Variants in SRPRA observed in about 807,000 individuals in gnomAD.
SRPRA encodes SRP receptor subunit alpha.
SRPRA carries 30 observed loss-of-function variants against 61.1 expected under a neutral mutation model. The ratio of observed to expected loss-of-function variants is 0.49; its 90% confidence interval spans 0.37 to 0.67. The LOEUF (loss-of-function observed/expected upper bound fraction) is 0.67. Among genes scored for constraint, SRPRA ranks in the 30% least tolerant of loss-of-function variants. SRPRA has a pLI of 0.00. For synonymous variants in SRPRA, 324 were observed against 299.7 expected, an observed-to-expected ratio of 1.08 and a Z score of -0.84; for missense variants, 759 against 828.4, an observed-to-expected ratio of 0.92 and a Z score of 1.03.
chr11:126,259,023 G>C (rs1307173412), downstream of SRPRA, among the ~76,000 whole-genome samples: 1 of 152,164 alleles, frequency 6.6e-6, no homozygotes, highest in African/African-American at 2.4e-5. Context: ...AAGGTGTTCT[G>C]TATCTTTAAA....
rs759618932 is a variant in SRPRA, at chr11:126,265,279, T to G, written c.1300A>C (p.Asn434His). The G allele has an allele frequency of 9.3e-6, 15 of 1,614,136 alleles. No individual in the cohort carries two copies. The highest frequency in any genetic ancestry group is 1.6e-4 in the Middle Eastern group (1 of 6,062). Residue 434 changes from asparagine (N) to histidine (H), a missense_variant, in exon 10 of 14, where the codon AAT becomes CAT. Physicochemically the swap from Asn to His is moderately conservative, Grantham distance 68. Coordinates refer to ENST00000332118, the MANE Select transcript of SRPRA (RefSeq NM_003139.4). This position sits in a 1 kb window ranked among gnomAD's most constrained non-coding sequence, Gnocchi z 6.3. ...CGVNGVGKSTNLAKISFWLLE... is the reference protein window; with the variant it reads ...CGVNGVGKSTHLAKISFWLLE... Reference sequence around the variant, plus strand: ...GGAACTGCACTGACCTTGGCAAGATTAGTAGATTTCCCCACTCCATTAACG... The same window carrying G: ...GGAACTGCACTGACCTTGGCAAGATGAGTAGATTTCCCCACTCCATTAACG...
At chr11:126,256,446 A>G in the SRPRA span, 3 of 805,322 alleles carry the variant, frequency 3.7e-6, no homozygotes, top group Admixed American at 2.7e-5. The surrounding 1 kb of genome is among the most constrained non-coding windows in gnomAD (Gnocchi z 6.6). Context: ...GGACATACCA[A>G]CCCACTTAAG....
rs749481806 is a variant in SRPRA, at chr11:126,268,655, G to A, written c.117+33C>T. 3.2e-6 allele frequency: 5 copies of A among 1,573,628 alleles called. 1 individual carries two copies. The South Asian group carries it at 4.4e-5, about 14-fold the overall frequency. Reference sequence around the variant, plus strand: ...GACCATGGATCGGGTCAGGAAAGAAGAGCCTGGAGTTCTGATCCCACGGGG... The same window carrying A: ...GACCATGGATCGGGTCAGGAAAGAAAAGCCTGGAGTTCTGATCCCACGGGG... On this transcript the variant is annotated intron_variant, in intron 1 of 13. Coordinates refer to ENST00000332118, the MANE Select transcript of SRPRA (RefSeq NM_003139.4).
chr11:126,255,814 G>A, the SRPRA span, among the ~76,000 whole-genome samples: 172 of 151,916 alleles, frequency 1.1e-3, 1 homozygote, highest in South Asian at 0.016. This position sits in a 1 kb window ranked among gnomAD's most constrained non-coding sequence, Gnocchi z 4.6. Context: ...TTAGCTGGGC[G>A]TGCTGGCAGG....
At chr11:126,236,538 A>G in the SRPRA span, among the ~76,000 whole-genome samples, 1 of 152,114 alleles carries the variant, frequency 6.6e-6, no homozygotes, top group East Asian at 1.9e-4. Flanking sequence ...TATTCTCAGT[A>G]ACCTGAAATT....
chr11:126,264,638 G>C lies in SRPRA; in HGVS notation c.1526-99C>G. On this transcript the variant is annotated intron_variant, in intron 11 of 13. Coordinates refer to ENST00000332118, the MANE Select transcript of SRPRA (RefSeq NM_003139.4). The surrounding 1 kb of genome is among the most constrained non-coding windows in gnomAD (Gnocchi z 5.0). ...GTCCTAGTTTGACTACCTGTTCACT[G>C]TCTTGGGCTCTGGATTTGGTTCCAA... The C allele has an allele frequency of 2.2e-6, 3 of 1,394,862 alleles. No individual in the cohort carries two copies. Among genetic ancestry groups the C allele is most frequent in the Admixed American group, 2.2e-5 (1 of 44,564 alleles). 86.4% of individuals were successfully genotyped at this position (1,394,862 alleles called of 1,614,324 possible). A position where few individuals can be genotyped will look rare whatever the true frequency, so the allele number is the denominator to read the frequency against.
At position 126,264,801 on chromosome 11, in the gene SRPRA, T is replaced by G; in HGVS notation, c.1525+158A>C. The G allele has an allele frequency of 1.2e-6, 1 of 823,750 alleles. No individual in the cohort carries two copies. The highest frequency in any genetic ancestry group is 1.9e-6 in the Non-Finnish European group (1 of 539,666). 51.0% of individuals were successfully genotyped at this position (823,750 alleles called of 1,614,324 possible). A position where few individuals can be genotyped will look rare whatever the true frequency, so the allele number is the denominator to read the frequency against. ...TAGCTTTGCCTGCAACTACATCTGT[T>G]ATCCAAAAGCAGAGCATGGCAAGTA... is the stretch of plus-strand genomic sequence containing the variant. On this transcript the variant is annotated intron_variant, in intron 11 of 13. Transcript: ENST00000332118. This position sits in a 1 kb window ranked among gnomAD's most constrained non-coding sequence, Gnocchi z 5.0.
At chr11:126,257,559 G>A in the SRPRA span, among the ~76,000 whole-genome samples, 11 of 150,276 alleles carry the variant, frequency 7.3e-5, no homozygotes, top group South Asian at 2.1e-4. Context: ...GGAAGAAAAA[G>A]CAGGTTGTAA....
At chr11:126,247,198 A>G in the SRPRA span, among the ~76,000 whole-genome samples, 1 of 152,172 alleles carries the variant, frequency 6.6e-6, no homozygotes, top group Non-Finnish European at 1.5e-5. Context: ...AGACTGAGGC[A>G]GGAAGATTGC....
At chr11:126,241,575 ATCT>A in the SRPRA span, among the ~76,000 whole-genome samples, 1 of 151,762 alleles carries the variant, frequency 6.6e-6, no homozygotes, top group African/African-American at 2.4e-5. Flanking sequence ...TTTTGATGGA[ATCT>A]TCTTCTTGTC....
downstream of SRPRA, chr11:126,262,275 G>T: frequency 1.2e-6 from 1 of 825,558 alleles, no homozygotes; most frequent in Non-Finnish European, 2.0e-6. Context: ...GTAGAAGAGG[G>T]GGGAATGTTG....
Position 126,267,043 on chromosome 11 carries a change from C to T in SRPRA, c.527-121G>A. ...ACCAAACATCTTGGAGTTCATAAGG[C>T]CTGGGGATTATAGGATGGTGACCAT... On this transcript the variant is annotated intron_variant, in intron 4 of 13. Transcript: ENST00000332118. The surrounding 1 kb of genome is among the most constrained non-coding windows in gnomAD (Gnocchi z 4.2). 1.3e-6 allele frequency: 2 copies of T among 1,526,258 alleles called. No individual in the cohort carries two copies. The highest frequency in any genetic ancestry group is 1.8e-6 in the Non-Finnish European group (2 of 1,132,940). 94.5% of individuals were successfully genotyped at this position (1,526,258 alleles called of 1,614,324 possible).
rs751062647 is a variant in SRPRA at position 126,265,570 on chromosome 11, C to T, written c.1139-130G>A. 139 of 1,231,246 alleles carry T rather than the reference C, an allele frequency of 1.1e-4. 1 individual carries two copies. Among genetic ancestry groups the T allele is most frequent in the African/African-American group, 1.7e-4 (11 of 66,652 alleles). 76.3% of individuals were successfully genotyped at this position (1,231,246 alleles called of 1,614,324 possible). A position where few individuals can be genotyped will look rare whatever the true frequency, so the allele number is the denominator to read the frequency against. On this transcript the variant is annotated intron_variant, in intron 9 of 13. Coordinates refer to ENST00000332118, the MANE Select transcript of SRPRA (RefSeq NM_003139.4). This position sits in a 1 kb window ranked among gnomAD's most constrained non-coding sequence, Gnocchi z 6.3. The stretch of plus-strand genomic sequence containing the variant: ...TCTTGTCCCAGAAATCCAGAACAGA[C>T]GCACATTACAAGGACTAACTCACTG...
the SRPRA span, among the ~76,000 whole-genome samples, chr11:126,238,007 T>G: frequency 6.6e-6 from 1 of 152,170 alleles, no homozygotes; most frequent in African/African-American, 2.4e-5. Context: ...TGTTGGGGGC[T>G]TTCCTCAGAT....
chr11:126,251,017 C>T, the SRPRA span, among the ~76,000 whole-genome samples: 1 of 152,190 alleles, frequency 6.6e-6, no homozygotes, highest in Non-Finnish European at 1.5e-5. Flanking sequence ...ATCTCTTTAG[C>T]ACTTGACAGT....
chr11:126,259,894 G>T (rs1035694621), downstream of SRPRA, among the ~76,000 whole-genome samples: 9 of 150,002 alleles, frequency 6.0e-5, no homozygotes, highest in African/African-American at 2.2e-4. Flanking sequence ...CTAATTTTTT[G>T]TATTTTTAGT....
the SRPRA span, chr11:126,256,469 G>T: frequency 9.1e-7 from 1 of 1,098,934 alleles, no homozygotes; most frequent in Non-Finnish European, 1.3e-6. The surrounding 1 kb of genome is among the most constrained non-coding windows in gnomAD (Gnocchi z 6.6). Context: ...TTGCTTAATT[G>T]GTCATCACAG....
At chr11:126,244,046 C>T in the SRPRA span, among the ~76,000 whole-genome samples, 4 of 151,814 alleles carry the variant, frequency 2.6e-5, no homozygotes, top group Non-Finnish European at 4.4e-5. The surrounding 1 kb of genome is among the most constrained non-coding windows in gnomAD (Gnocchi z 4.5). Context: ...TTTAAAAAAG[C>T]CACACTCTAC....
Position 126,267,907 on chromosome 11 carries a change from A to T in SRPRA, c.201+96T>A. 6.9e-7 allele frequency: 1 copy of T among 1,444,838 alleles called. No individual in the cohort carries two copies. The highest frequency in any genetic ancestry group is 9.6e-7 in the Non-Finnish European group (1 of 1,037,308). The allele number at this position is 1,444,838 out of a possible 1,614,324, so 89.5% of individuals were successfully genotyped here. On this transcript the variant is annotated intron_variant, in intron 2 of 13. Coordinates refer to ENST00000332118, the MANE Select transcript of SRPRA (RefSeq NM_003139.4). This position sits in a 1 kb window ranked among gnomAD's most constrained non-coding sequence, Gnocchi z 4.2. ...ATCTACCTTTCTAGTTTTTTCAGTT[A>T]CGTCATCATATACACTGGCTGCAAT... is the stretch of plus-strand genomic sequence containing the variant.
Sources: gnomAD v4.1 joint callset for allele counts (sites outside exome capture counted in the v4.1 genomes callset) on GRCh38, gnomAD v4.1.1 for gene constraint, Gnocchi (gnomAD v3.1) non-coding constraint, MANE v1.5 for transcripts, NCBI Gene and HGNC (gene_info 2026-07-23, HGNC 2026-07-21) for gene names.